CRY1: variants seen among roughly 807,000 people sequenced by gnomAD.
The protein encoded by CRY1 is cryptochrome circadian regulator 1, also known as cryptochrome-1.
CRY1 carries 45 observed loss-of-function variants against 76.0 expected under a neutral mutation model. The observed-to-expected ratio is 0.59, with a 90% CI of 0.47 to 0.76. The LOEUF (loss-of-function observed/expected upper bound fraction) is 0.76, where lower values mean the gene tolerates loss of function less well. Among genes scored for constraint, CRY1 ranks in the 30% least tolerant of loss-of-function variants. The pLI, the probability that CRY1 is intolerant of heterozygous loss-of-function variation, is 0.00. For missense variants in CRY1, 587 were observed against 716.4 expected, an observed-to-expected ratio of 0.82 and a Z score of 2.06; for synonymous variants, 248 against 244.0, an observed-to-expected ratio of 1.02 and a Z score of -0.15.
At chr12:107,080,568 G>A (rs968038354) in intron 1 of CRY1, among the ~76,000 whole-genome samples, 3 of 151,974 alleles carry the variant, frequency 2.0e-5, no homozygotes, top group Admixed American at 2.0e-4. Flanking sequence ...CACTAATAGC[G>A]CTGGCAGGAA....
chr12:107,025,259 A>C (rs2136849016), intron 1 of CRY1, among the ~76,000 whole-genome samples: 1 of 152,354 alleles, frequency 6.6e-6, no homozygotes, highest in East Asian at 1.9e-4. Flanking sequence ...TCAAAGTAGA[A>C]GAAAAACGAG....
intron 1 of CRY1, among the ~76,000 whole-genome samples, chr12:107,026,562 T>C (rs1156820022): frequency 1.3e-5 from 2 of 152,130 alleles, no homozygotes; most frequent in Non-Finnish European, 1.5e-5. Flanking sequence ...ATCTATATTT[T>C]GGTTTCTATA....
chr12:106,996,021 T>C (rs950671428), intron 10 of CRY1, among the ~76,000 whole-genome samples: 13 of 152,144 alleles, frequency 8.5e-5, no homozygotes, highest in Admixed American at 3.9e-4. Context: ...TTTTGTCTTT[T>C]TAGTAGAGAC....
chr12:107,073,376 G>A (rs1490826398), intron 1 of CRY1, among the ~76,000 whole-genome samples: 1 of 151,896 alleles, frequency 6.6e-6, no homozygotes, highest in Non-Finnish European at 1.5e-5. Flanking sequence ...TGGGATCACA[G>A]GCATGAGCCA....
Position 107,093,085 on chromosome 12 carries a change from G to C in CRY1, c.-124C>G. On this transcript the variant is annotated 5_prime_UTR_variant, in exon 1 of 13. Coordinates refer to ENST00000008527, the MANE Select transcript of CRY1 (RefSeq NM_004075.5). The stretch of plus-strand genomic sequence containing the variant: ...GCGTGAGGAAAGGGCGGCAGAGGGG[G>C]AACAGGAAAAAATGACTCCGAGGAG... The C allele has an allele frequency of 8.3e-7, 1 of 1,203,508 alleles. No individual in the cohort carries two copies. Among genetic ancestry groups the C allele is most frequent in the Non-Finnish European group, 1.1e-6 (1 of 900,666 alleles). 74.6% of individuals were successfully genotyped at this position (1,203,508 alleles called of 1,614,324 possible).
chr12:107,049,291 A>G (rs1952888503), intron 1 of CRY1, among the ~76,000 whole-genome samples: 2 of 152,194 alleles, frequency 1.3e-5, no homozygotes, highest in South Asian at 4.1e-4. Context: ...CTTTTGCATT[A>G]AGGAAAAAAC....
intron 1 of CRY1, among the ~76,000 whole-genome samples, chr12:107,057,046 T>A (rs1187842958): frequency 6.6e-6 from 1 of 152,022 alleles, no homozygotes; most frequent in Non-Finnish European, 1.5e-5. Context: ...GTCTAGTATG[T>A]AAGAAATATG....
At chr12:107,080,774 G>C (rs138919851) in intron 1 of CRY1, among the ~76,000 whole-genome samples, 214 of 152,174 alleles carry the variant, frequency 1.4e-3, no homozygotes, top group African/African-American at 4.7e-3. Flanking sequence ...AGTTTGGATT[G>C]GGTTCAAGGG....
At chr12:107,076,266 T>C (rs1953250435) in intron 1 of CRY1, among the ~76,000 whole-genome samples, 1 of 152,142 alleles carries the variant, frequency 6.6e-6, no homozygotes, top group Non-Finnish European at 1.5e-5. Flanking sequence ...ATTTCCTTTT[T>C]CAAGTAACTG....
intron 1 of CRY1, among the ~76,000 whole-genome samples, chr12:107,040,137 T>C (rs1952780802): frequency 6.6e-6 from 1 of 152,144 alleles, no homozygotes; most frequent in Admixed American, 6.5e-5. Context: ...ATATGAGGTA[T>C]ATAAACTGGT....
chr12:107,056,621 A>G (rs957205700), intron 1 of CRY1, among the ~76,000 whole-genome samples: 2 of 151,988 alleles, frequency 1.3e-5, no homozygotes, highest in African/African-American at 4.8e-5. Context: ...TAATGTTAGT[A>G]TATTTTATGT....
At chr12:107,002,256 A>C (rs1952320859) in intron 3 of CRY1, among the ~76,000 whole-genome samples, 1 of 152,234 alleles carries the variant, frequency 6.6e-6, no homozygotes, top group Admixed American at 6.5e-5. Context: ...AGGGGAAATT[A>C]GTCTAAAGGC....
intron 1 of CRY1, among the ~76,000 whole-genome samples, chr12:107,074,006 TTTG>T (rs1161209411): frequency 1.3e-5 from 2 of 152,322 alleles, no homozygotes; most frequent in East Asian, 3.9e-4. Context: ...TCCTTTTAAC[TTTG>T]TTATGTCTCT....
intron 1 of CRY1, among the ~76,000 whole-genome samples, chr12:107,028,247 G>T (rs1952637225): frequency 6.6e-6 from 1 of 151,982 alleles, no homozygotes; most frequent in Admixed American, 6.6e-5. Context: ...ATAACAATTT[G>T]TGTGTGTGTA....
chr12:107,063,336 T>C (rs1048435527), intron 1 of CRY1, among the ~76,000 whole-genome samples: 1 of 152,212 alleles, frequency 6.6e-6, no homozygotes, highest in Non-Finnish European at 1.5e-5. Flanking sequence ...GTTTTAAATA[T>C]TCTTGGTTGA....
intron 2 of CRY1, among the ~76,000 whole-genome samples, chr12:107,007,651 TC>T (rs1421135267): frequency 6.6e-6 from 1 of 151,382 alleles, no homozygotes; most frequent in Non-Finnish European, 1.5e-5. Context: ...CACCTCAACC[TC>T]CCGAGTAGCT....
intron 2 of CRY1, among the ~76,000 whole-genome samples, chr12:107,015,745 A>ATGATCT (rs1952491758): frequency 1.3e-5 from 2 of 152,112 alleles, no homozygotes. Flanking sequence ...GTAGAGTGGC[A>ATGATCT]TGATCTTGGC....
chr12:106,997,176 T>TATTAAGCTAATTTCA (rs1169589191), intron 10 of CRY1, 118 bp downstream of exon 10: 1 of 897,392 alleles, frequency 1.1e-6, no homozygotes, highest in Non-Finnish European at 1.8e-6. Flanking sequence ...ACAAAGAATC[T>TATTAAGCTAATTTCA]ATTAAGCTAA....
intron 1 of CRY1, among the ~76,000 whole-genome samples, chr12:107,026,769 G>GT (rs66881305): frequency 0.058 from 7,810 of 134,040 alleles, 237 homozygotes; most frequent in African/African-American, 0.07. Context: ...AATAATTCCT[G>GT]TTTTTTTTTT....
Sources: allele counts gnomAD v4.1 joint callset (sites outside exome capture counted in the v4.1 genomes callset), GRCh38; gene constraint gnomAD v4.1.1; transcripts MANE v1.5; gene names NCBI Gene and HGNC (gene_info 2026-07-23, HGNC 2026-07-21).